Variants in COL4A6 observed in about 807,000 individuals in gnomAD.
COL4A6 encodes the protein collagen type IV alpha 6 chain, also known as collagen alpha-6(IV) chain.
In COL4A6, 59 loss-of-function variants were observed where a neutral mutation model predicts 126.7. That is an observed-to-expected ratio of 0.47 (90% CI 0.38 to 0.58). The LOEUF (loss-of-function observed/expected upper bound fraction) is 0.58, where lower values mean the gene tolerates loss of function less well. COL4A6 is among the 20% of genes least tolerant of loss of function. COL4A6 has a pLI of 0.00. For missense variants in COL4A6, 1,285 were observed against 1,337.3 expected, an observed-to-expected ratio of 0.96 and a Z score of 0.61; for synonymous variants, 547 against 496.6, an observed-to-expected ratio of 1.10 and a Z score of -1.35.
chrX:108,234,714 C>A (rs1262081721), intron 3 of COL4A6, among the ~76,000 whole-genome samples: 2 of 111,642 alleles, frequency 1.8e-5, no homozygotes, highest in East Asian at 5.6e-4. Flanking sequence ...GATTCTCAAC[C>A]CAAGGACTGT....
intron 2 of COL4A6, among the ~76,000 whole-genome samples, chrX:108,323,917 G>A (rs1047119268): frequency 3.6e-5 from 4 of 111,934 alleles, no homozygotes; most frequent in African/African-American, 1.3e-4. Flanking sequence ...TGCGCAATGC[G>A]TGGAGAAACT....
chrX:108,372,036 A>C (rs1264152219), intron 2 of COL4A6, among the ~76,000 whole-genome samples: 1 of 110,811 alleles, frequency 9.0e-6, no homozygotes, highest in Non-Finnish European at 1.9e-5. Flanking sequence ...ACAGACTTAA[A>C]CCCCTACCTG....
chrX:108,407,120 T>G (rs1364368049), intron 2 of COL4A6, among the ~76,000 whole-genome samples: 1 of 112,497 alleles, frequency 8.9e-6, no homozygotes, highest in East Asian at 2.8e-4. Flanking sequence ...TGGGAGCGAA[T>G]TATATGTAAT....
intron 23 of COL4A6, among the ~76,000 whole-genome samples, chrX:108,186,390 A>G (rs1406929000): frequency 8.9e-6 from 1 of 111,987 alleles, no homozygotes; most frequent in Non-Finnish European, 1.9e-5. Flanking sequence ...TGCAAAGGAA[A>G]TAAGAGATAA....
chrX:108,396,824 C>T (rs887562792), intron 2 of COL4A6, among the ~76,000 whole-genome samples: 3 of 111,488 alleles, frequency 2.7e-5, no homozygotes, highest in East Asian at 2.8e-4. Context: ...TCTGCCTGTT[C>T]GATTTCTATG....
rs1472548775 is a variant in COL4A6, at chrX:108,156,255, T to G, written c.*745A>C. ...GATAGGCTTGGCCACATTTGTTGCA[T>G]CCTCTGCTTTACTTTGAACCAGGCC... On this transcript the variant is annotated 3_prime_UTR_variant, in exon 45 of 45. Coordinates refer to ENST00000334504, the MANE Select transcript of COL4A6 (RefSeq NM_033641.4). 8.9e-6 allele frequency: 1 copy of G among 111,823 alleles called. No individual in the cohort carries two copies. Among genetic ancestry groups the G allele is most frequent in the Non-Finnish European group, 1.9e-5 (1 of 53,196 alleles). The allele number at this position is 111,823 out of a possible 1,213,427, so 9.2% of individuals were successfully genotyped here.
chrX:108,391,071 C>T (rs764338505), intron 2 of COL4A6, among the ~76,000 whole-genome samples: 13 of 111,274 alleles, frequency 1.2e-4, no homozygotes, highest in African/African-American at 2.6e-4. Flanking sequence ...CTGGAAGCTT[C>T]GTCACAGAGG....
At chrX:108,226,416 T>C (rs1887022855) in intron 3 of COL4A6, among the ~76,000 whole-genome samples, 2 of 111,202 alleles carry the variant, frequency 1.8e-5, no homozygotes, top group Admixed American at 9.5e-5. Flanking sequence ...ACCCCACATC[T>C]GTGAGAGCAT....
At chrX:108,179,508 G>C in intron 25 of COL4A6, 70 bp from the exon 26 acceptor site, 1 of 835,568 alleles carries the variant, frequency 1.2e-6, no homozygotes, top group Non-Finnish European at 1.7e-6. Flanking sequence ...ACAGATCTCT[G>C]AGACAGATTT....
rs187320740 is a variant in COL4A6 at position 108,412,058 on chromosome X, G to C, written c.63+25884C>G. 8.4e-4 allele frequency among the ~76,000 whole-genome samples: 94 copies of C among 111,340 alleles called. 1 individual carries two copies. The highest frequency in any genetic ancestry group is 3.0e-3 in the African/African-American group (91 of 30,646). On this transcript the variant is annotated intron_variant, in intron 2 of 44. Transcript: ENST00000334504. ...CCTAGATCTTACTGAAGAGAAGCAC[G>C]AGATAAGCCTTATCAGAGAAAAAGA...
At chrX:108,391,033 A>G (rs2040825545) in intron 2 of COL4A6, among the ~76,000 whole-genome samples, 1 of 111,242 alleles carries the variant, frequency 9.0e-6, no homozygotes, top group Non-Finnish European at 1.9e-5. Flanking sequence ...TTTCCCGGGT[A>G]TCACCAGTGG....
chrX:108,320,360 AG>A (rs2038996293), intron 2 of COL4A6, among the ~76,000 whole-genome samples: 1 of 111,448 alleles, frequency 9.0e-6, no homozygotes, highest in Non-Finnish European at 1.9e-5. Flanking sequence ...ATACATATGA[AG>A]ATTAGAGGAA....
intron 2 of COL4A6, chrX:108,384,109 A>G (rs746547377): frequency 7.1e-6 from 2 of 279,779 alleles, no homozygotes; most frequent in East Asian, 1.4e-4. Context: ...TCATCTACCC[A>G]TTTATCCATT....
At chrX:108,371,575 A>T (rs1368544292) in intron 2 of COL4A6, among the ~76,000 whole-genome samples, 4 of 76,673 alleles carry the variant, frequency 5.2e-5, no homozygotes, top group Admixed American at 1.4e-4. Flanking sequence ...CTGTCTCTAT[A>T]AAAAAAAAAA....
chrX:108,366,836 A>G (rs1228571872), intron 2 of COL4A6, among the ~76,000 whole-genome samples: 1 of 111,867 alleles, frequency 8.9e-6, no homozygotes, highest in African/African-American at 3.3e-5. Context: ...CCTTCTTTAC[A>G]GATTCTTTTT....
At chrX:108,383,740 T>G (rs1317411061) in intron 2 of COL4A6, 1 of 517,238 alleles carries the variant, frequency 1.9e-6, no homozygotes, top group Non-Finnish European at 3.5e-6. Flanking sequence ...AGTCACACTG[T>G]CTGGAAAAAA....
At chrX:108,258,820 C>G (rs1243497259) in intron 3 of COL4A6, among the ~76,000 whole-genome samples, 1 of 111,435 alleles carries the variant, frequency 9.0e-6, no homozygotes, top group African/African-American at 3.3e-5. Flanking sequence ...TTAGAAATCA[C>G]TTAACATTTC....
At chrX:108,165,306 A>G in intron 38 of COL4A6, 64 bp downstream of exon 38, 2 of 989,709 alleles carry the variant, frequency 2.0e-6, no homozygotes, top group South Asian at 1.9e-5. Context: ...CGCTGTATAC[A>G]TGACTTCCCC....
intron 2 of COL4A6, among the ~76,000 whole-genome samples, chrX:108,437,638 A>G (rs2064291840): frequency 8.9e-6 from 1 of 111,871 alleles, no homozygotes; most frequent in Non-Finnish European, 1.9e-5. Context: ...TCTGCCGTGG[A>G]GATTGATGCT....
Sources: gnomAD v4.1 joint callset for allele counts (sites outside exome capture counted in the v4.1 genomes callset) on GRCh38, gnomAD v4.1.1 for gene constraint, MANE v1.5 for transcripts, NCBI Gene and HGNC (gene_info 2026-07-23, HGNC 2026-07-21) for gene names.